SERINC4: variants seen among roughly 807,000 people sequenced by gnomAD.
SERINC4 encodes serine incorporator 4.
A neutral mutation model predicts 52.0 loss-of-function variants in SERINC4; 52 were observed. The observed-to-expected ratio is 1.00, with a 90% CI of 0.80 to 1.26. The LOEUF (loss-of-function observed/expected upper bound fraction) is 1.26. SERINC4 is among the 50% of genes most tolerant of loss of function. The pLI, the probability that SERINC4 is intolerant of heterozygous loss-of-function variation, is 0.00. For synonymous variants in SERINC4, 264 were observed against 247.7 expected, an observed-to-expected ratio of 1.07 and a Z score of -0.62; for missense variants, 723 against 632.8, an observed-to-expected ratio of 1.14 and a Z score of -1.53.
At chr15:43,796,347 T>G in intron 8 of SERINC4, 120 bp from the exon 9 acceptor site, 2 of 807,490 alleles carry the variant, frequency 2.5e-6, no homozygotes. Context: ...TGTGCCCTTT[T>G]CCACCAAAGA....
At chr15:43,798,905 C>T (rs749860224) in intron 3 of SERINC4, 54 bp downstream of exon 3, 3 of 1,523,216 alleles carry the variant, frequency 2.0e-6, no homozygotes, top group South Asian at 1.2e-5. Context: ...TTTACCCAGC[C>T]TATGTCTACT....
chr15:43,797,388 C>G (rs1420065530), intron 5 of SERINC4, 32 bp from the exon 6 acceptor site: 1 of 1,496,470 alleles, frequency 6.7e-7, no homozygotes, highest in Non-Finnish European at 9.0e-7. Flanking sequence ...TGGCTTGGAG[C>G]TCCAGCATTT....
At position 43,798,962 on chromosome 15, in the gene SERINC4, T is replaced by TTA; in HGVS notation, c.453_454dup (p.Asn152IlefsTer13). ...CACCCAGAAAGTACACACAAACCTA[T>TTA]TATGCAGCTGTGCCCGCGGGCTGGT... On this transcript the variant is annotated frameshift_variant, in exon 3 of 12. Transcript: ENST00000319327. LOFTEE classifies it high-confidence loss of function. 6.4e-7 allele frequency: 1 copy of TTA among 1,550,510 alleles called. No homozygotes were observed. Among genetic ancestry groups the TTA allele is most frequent in the Non-Finnish European group, 8.7e-7 (1 of 1,146,956 alleles).
chr15:43,799,599 C>T (rs554470131), intron 1 of SERINC4, 113 bp from the exon 2 acceptor site: 34 of 1,299,276 alleles, frequency 2.6e-5, no homozygotes, highest in Middle Eastern at 1.8e-4. Context: ...TTCCCCTTCC[C>T]CTTTCTTCCT....
chr15:43,799,178 T>G lies in SERINC4; in HGVS notation c.280-41A>C, dbSNP rs995905960. 5 of 1,533,586 alleles carry G rather than the reference T, an allele frequency of 3.3e-6. No homozygotes were observed. The African/African-American group carries it at 6.9e-5, about 21-fold the overall frequency. 95.0% of individuals were successfully genotyped at this position (1,533,586 alleles called of 1,614,324 possible). ...AGAGAAATGGCAGGACAAGTCATAA[T>G]GCATGGAAAGGTACCTACTTGTCAC... is the stretch of plus-strand genomic sequence containing the variant. On this transcript the variant is annotated intron_variant, in intron 2 of 11. Coordinates refer to ENST00000319327, the MANE Select transcript of SERINC4 (RefSeq NM_001258031.2).
chr15:43,794,408 C>G lies in SERINC4; in HGVS notation c.*592G>C, dbSNP rs1458564536. ...CTGCTTGAAAGTTGGCCAAAAAATC[C>G]TGCTGCTCACCGACTTCCCGTGGTC... On this transcript the variant is annotated 3_prime_UTR_variant, in exon 12 of 12. Transcript: ENST00000319327. 1 of 164,328 alleles carries G rather than the reference C, an allele frequency of 6.1e-6. No individual in the cohort carries two copies. The highest frequency in any genetic ancestry group is 1.3e-5 in the Non-Finnish European group (1 of 75,400). The allele number at this position is 164,328 out of a possible 1,614,324, so 10.2% of individuals were successfully genotyped here.
Position 43,796,903 on chromosome 15 carries a change from G to T in SERINC4, c.882C>A (p.Ile294=). 1.2e-6 allele frequency: 2 copies of T among 1,614,108 alleles called. No individual in the cohort carries two copies. Among genetic ancestry groups the T allele is most frequent in the African/African-American group, 2.7e-5 (2 of 75,026 alleles). The change falls in exon 7 of 12, where the codon ATC becomes ATA. Residue 294 remains isoleucine (I), a synonymous_variant. Coordinates refer to ENST00000319327, the MANE Select transcript of SERINC4 (RefSeq NM_001258031.2). ...PRSGLLQASV[I]SCYIMYLTFS... ...AAGTCAGATACATGATATAGCAGCT[G>T]ATGACAGAAGCTTGTAGGAGGCCAG...
Position 43,794,288 on chromosome 15 carries a change from T to C in SERINC4, c.*712A>G. The C allele has an allele frequency of 3.5e-6, 1 of 286,300 alleles. No individual in the cohort carries two copies. Among genetic ancestry groups the C allele is most frequent in the East Asian group, 6.7e-5 (1 of 14,932 alleles). The allele number at this position is 286,300 out of a possible 1,614,324, so 17.7% of individuals were successfully genotyped here. The stretch of plus-strand genomic sequence containing the variant: ...TTTCTGTGATTTTTGTTCCCCACCC[T>C]TGAACACCATCTCTAGGATGGAGTT... On this transcript the variant is annotated 3_prime_UTR_variant, in exon 12 of 12. Transcript: ENST00000319327.
rs146571162 is a variant in SERINC4, at chr15:43,796,547, T to G, written c.1067+69A>C. 979 of 1,534,094 alleles carry G rather than the reference T, an allele frequency of 6.4e-4. 11 individuals are homozygous for G. In the East Asian group the frequency reaches 0.021, roughly 34 times the overall value. On this transcript the variant is annotated intron_variant, in intron 8 of 11. Coordinates refer to ENST00000319327, the MANE Select transcript of SERINC4 (RefSeq NM_001258031.2). ...AACTTTAAATAATGGTCCCAGACAT[T>G]GTCCTGACCATCCTTCCCTGTCTTG...
Position 43,796,144 on chromosome 15 carries a change from T to C in SERINC4, c.1140+11A>G. ...GGAGGGTGTTGGGGATATGGAGCTC[T>C]TTATCCTCACCTGAAACTCATAGCT... On this transcript the variant is annotated intron_variant, in intron 9 of 11. Transcript: ENST00000319327. 6.2e-7 allele frequency: 1 copy of C among 1,605,130 alleles called. No homozygotes were observed. Among genetic ancestry groups the C allele is most frequent in the Non-Finnish European group, 8.5e-7 (1 of 1,171,804 alleles).
chr15:43,798,667 C>G (rs1025942240), intron 3 of SERINC4, 163 bp from the exon 4 acceptor site: 1 of 635,592 alleles, frequency 1.6e-6, no homozygotes, highest in Non-Finnish European at 2.8e-6. Flanking sequence ...TGGGACAGGC[C>G]TACTGCACCT....
intron 8 of SERINC4, 159 bp downstream of exon 8, chr15:43,796,457 C>A: frequency 1.2e-6 from 1 of 834,272 alleles, no homozygotes. Context: ...GATCATCTGA[C>A]AAAGTACTAT....
chr15:43,795,175 C>T lies in SERINC4; in HGVS notation c.1382G>A (p.Gly461Asp), dbSNP rs1247683766. ...GAELEKTFIK[G>D]SWATFWVKVA... Reference sequence around the variant, plus strand: ...CTTGACCCAGAAGGTGGCCCAGCTACCCTTGATGAAGGTCTTTTCCAGTTC... The same window carrying T: ...CTTGACCCAGAAGGTGGCCCAGCTATCCTTGATGAAGGTCTTTTCCAGTTC... Residue 461 changes from glycine to aspartate, a missense_variant, in exon 12 of 12, where the codon GGT becomes GAT. Gly to Asp is a moderately conservative substitution (Grantham distance 94, BLOSUM62 -1). Coordinates refer to ENST00000319327, the MANE Select transcript of SERINC4 (RefSeq NM_001258031.2). 3.7e-6 allele frequency: 6 copies of T among 1,614,076 alleles called. No individual in the cohort carries two copies. In the East Asian group the frequency reaches 1.1e-4, roughly 30 times the overall value.
intron 8 of SERINC4, 189 bp downstream of exon 8, chr15:43,796,427 C>A (rs186131672): frequency 1.1e-5 from 8 of 725,580 alleles, no homozygotes; most frequent in Non-Finnish European, 1.6e-5. Flanking sequence ...TCATTCCCCC[C>A]ACCCCCTTCA....
At chr15:43,796,539 CCAGA>C (rs2087219660) in intron 8 of SERINC4, 73 bp downstream of exon 8, 1 of 1,488,592 alleles carries the variant, frequency 6.7e-7, no homozygotes, top group Non-Finnish European at 9.3e-7. Context: ...AATAATGGTC[CCAGA>C]CATTGTCCTG....
rs1294039619 is a variant in SERINC4, at chr15:43,799,499, C to G, written c.103-13G>C. 6.4e-6 allele frequency: 10 copies of G among 1,550,840 alleles called. No individual in the cohort carries two copies. ...CACAGCAGCACACCTGGGAGTAGAGCAGATGCAAGGCAGCGAGGTGGAGAC... is the reference window on the plus strand; with the variant it reads ...CACAGCAGCACACCTGGGAGTAGAGGAGATGCAAGGCAGCGAGGTGGAGAC... On this transcript the variant is annotated splice_polypyrimidine_tract_variant and intron_variant, in intron 1 of 11. Coordinates refer to ENST00000319327, the MANE Select transcript of SERINC4 (RefSeq NM_001258031.2).
rs751850244 is a variant in SERINC4, at chr15:43,795,440, C to A, written c.1291G>T (p.Val431Phe). The A allele has an allele frequency of 2.5e-6, 4 of 1,613,944 alleles. No individual in the cohort carries two copies. Among genetic ancestry groups the A allele is most frequent in the Admixed American group, 3.3e-5 (2 of 59,978 alleles). The change falls in exon 11 of 12, where the codon GTC becomes TTC. Residue 431 changes from valine (V) to phenylalanine (F), a missense_variant. Physicochemically the swap from Val to Phe is conservative, Grantham distance 50. Transcript: ENST00000319327. ...ACATAGAGTGAGGCAAGGAAGAAGA[C>A]GAAGTGGAAGGCAGAATAGTTGTAG... ...LSYNYSAFHF[V>F]FFLASLYVMV...
Position 43,800,075 on chromosome 15 carries a change from C to G in SERINC4, c.-89G>C. 2.0e-6 allele frequency: 2 copies of G among 1,017,970 alleles called. No homozygotes were observed. The highest frequency in any genetic ancestry group is 2.8e-6 in the Non-Finnish European group (2 of 715,812). The allele number at this position is 1,017,970 out of a possible 1,614,324, so 63.1% of individuals were successfully genotyped here. A position where few individuals can be genotyped will look rare whatever the true frequency, so the allele number is the denominator to read the frequency against. On this transcript the variant is annotated 5_prime_UTR_variant, in exon 1 of 12. Transcript: ENST00000319327. The stretch of plus-strand genomic sequence containing the variant: ...CTGTCCTCAGCCCATTGGACTGCCA[C>G]TGTGTTGGGGCTGAGCACCCGGTCC...
chr15:43,798,954 C>G lies in SERINC4; in HGVS notation c.458+5G>C. Reference sequence around the variant, plus strand: ...CCCCTCCCCACCCAGAAAGTACACACAAACCTATTATGCAGCTGTGCCCGC... The same window carrying G: ...CCCCTCCCCACCCAGAAAGTACACAGAAACCTATTATGCAGCTGTGCCCGC... On this transcript the variant is annotated splice_donor_5th_base_variant and intron_variant, in intron 3 of 11. Coordinates refer to ENST00000319327, the MANE Select transcript of SERINC4 (RefSeq NM_001258031.2). 6.4e-7 allele frequency: 1 copy of G among 1,550,594 alleles called. No individual in the cohort carries two copies. Among genetic ancestry groups the G allele is most frequent in the Non-Finnish European group, 8.7e-7 (1 of 1,146,984 alleles).
Sources: gnomAD v4.1 joint callset for allele counts on GRCh38, gnomAD v4.1.1 for gene constraint, MANE v1.5 for transcripts, NCBI Gene and HGNC (gene_info 2026-07-23, HGNC 2026-07-21) for gene names.